The following LMX1A variants were observed in gnomAD, a reference collection of about 807,000 sequenced individuals.
LMX1A encodes the protein LIM homeobox transcription factor 1 alpha.
LMX1A carries 15 observed loss-of-function variants against 49.1 expected under a neutral mutation model. That is an observed-to-expected ratio of 0.31 (90% CI 0.20 to 0.47). LMX1A has a LOEUF of 0.47. LMX1A is among the 20% of genes least tolerant of loss of function. LMX1A has a pLI of 1.00. For missense variants in LMX1A, 372 were observed against 475.8 expected (o/e 0.78, Z 2.03); for synonymous variants, 167 against 185.7 (o/e 0.90, Z 0.82).
intron 3 of LMX1A, among the ~76,000 whole-genome samples, chr1:165,338,842 G>T (rs1488420840): frequency 6.6e-6 from 1 of 152,300 alleles, no homozygotes; most frequent in South Asian, 2.1e-4. Flanking sequence ...TAAGCTCAGA[G>T]GTCTGGCCCC....
intron 4 of LMX1A, among the ~76,000 whole-genome samples, chr1:165,241,880 A>C (rs538937343): frequency 6.6e-6 from 1 of 152,350 alleles, no homozygotes; most frequent in African/African-American, 2.4e-5. Flanking sequence ...AGCATGGCCC[A>C]GAAGAGGAGA....
intron 3 of LMX1A, among the ~76,000 whole-genome samples, chr1:165,307,522 G>C (rs1654953857): frequency 6.6e-6 from 1 of 152,204 alleles, no homozygotes; most frequent in African/African-American, 2.4e-5. Flanking sequence ...ATGAAGAAGA[G>C]CATCAGGATC....
chr1:165,335,297 T>C (rs2101756364), intron 3 of LMX1A, among the ~76,000 whole-genome samples: 1 of 152,296 alleles, frequency 6.6e-6, no homozygotes, highest in Admixed American at 6.5e-5. Flanking sequence ...TTTGAACTTT[T>C]ATAAAAGCAA....
intron 3 of LMX1A, among the ~76,000 whole-genome samples, chr1:165,291,013 C>A (rs1053465547): frequency 1.3e-5 from 2 of 152,198 alleles, no homozygotes; most frequent in African/African-American, 4.8e-5. Context: ...TAAATACTAA[C>A]AATTTATATA....
At chr1:165,344,194 G>T (rs1656167245) in intron 3 of LMX1A, among the ~76,000 whole-genome samples, 1 of 152,254 alleles carries the variant, frequency 6.6e-6, no homozygotes, top group Non-Finnish European at 1.5e-5. Flanking sequence ...CAGCCAAAAA[G>T]AGGAGAGAGG....
rs114514651 is a variant in LMX1A at position 165,224,690 on chromosome 1, G to A, written c.497-10877C>T. ...AGCTTGTGTTTCAGTTAATATAGAAGGAAGAGAAATAAGCCAAAGGTCACA... is the reference window on the plus strand; with the variant it reads ...AGCTTGTGTTTCAGTTAATATAGAAAGAAGAGAAATAAGCCAAAGGTCACA... On this transcript the variant is annotated intron_variant, in intron 4 of 8. Coordinates refer to ENST00000342310, the MANE Select transcript of LMX1A (RefSeq NM_177398.4). 6.1e-3 allele frequency among the ~76,000 whole-genome samples: 925 copies of A among 152,244 alleles called. 7 individuals carry two copies. The highest frequency in any genetic ancestry group is 0.02 in the African/African-American group (835 of 41,518).
chr1:165,310,181 C>A (rs1234888559), intron 3 of LMX1A, among the ~76,000 whole-genome samples: 1 of 152,218 alleles, frequency 6.6e-6, no homozygotes, highest in African/African-American at 2.4e-5. Context: ...CAACAAAATT[C>A]TTCCCAGCTC....
intron 3 of LMX1A, among the ~76,000 whole-genome samples, chr1:165,350,690 GAA>G (rs1041091919): frequency 6.6e-6 from 1 of 151,792 alleles, no homozygotes; most frequent in African/African-American, 2.4e-5. Context: ...ATAGAGAAAC[GAA>G]AAAAGGAATT....
chr1:165,271,567 A>T (rs1398149847), intron 3 of LMX1A, among the ~76,000 whole-genome samples: 3 of 152,194 alleles, frequency 2.0e-5, no homozygotes, highest in Non-Finnish European at 4.4e-5. Flanking sequence ...ATCGAAGTAC[A>T]TGGATCCTGC....
intron 4 of LMX1A, among the ~76,000 whole-genome samples, chr1:165,232,999 C>T (rs1652288039): frequency 6.6e-6 from 1 of 152,164 alleles, no homozygotes; most frequent in Non-Finnish European, 1.5e-5. Context: ...AGTCCCAATA[C>T]TTATGTATAT....
At chr1:165,290,666 C>T (rs1045570109) in intron 3 of LMX1A, among the ~76,000 whole-genome samples, 25 of 152,140 alleles carry the variant, frequency 1.6e-4, no homozygotes, top group Non-Finnish European at 1.6e-4. Flanking sequence ...GAGAACATAG[C>T]AGATAAAAAG....
chr1:165,275,847 ATGTGTGTGTGTGTG>A (rs529022372), intron 3 of LMX1A, among the ~76,000 whole-genome samples: 143 of 139,078 alleles, frequency 1.0e-3, no homozygotes, highest in African/African-American at 3.4e-3. Flanking sequence ...GTGTGTGTGT[ATGTGTGTGTGTGTG>A]TGTGTGTGTG....
intron 6 of LMX1A, among the ~76,000 whole-genome samples, chr1:165,208,814 T>A (rs973104254): frequency 1.3e-5 from 2 of 151,264 alleles, no homozygotes; most frequent in Admixed American, 6.6e-5. Context: ...GCCTGGCTAA[T>A]TTTTTTGTAT....
chr1:165,241,401 G>A (rs1269394134), intron 4 of LMX1A, among the ~76,000 whole-genome samples: 1 of 152,164 alleles, frequency 6.6e-6, no homozygotes, highest in Non-Finnish European at 1.5e-5. Flanking sequence ...ATTGGACATT[G>A]ATCAAGTTTC....
intron 2 of LMX1A, 37 bp from the exon 3 acceptor site, chr1:165,353,299 G>C (rs562378026): frequency 2.3e-5 from 37 of 1,581,334 alleles, no homozygotes; most frequent in Admixed American, 5.1e-5. Flanking sequence ...TGAGCAGCCC[G>C]GGCAGGTAGA....
chr1:165,265,203 CAA>C (rs528674072), intron 3 of LMX1A, among the ~76,000 whole-genome samples: 20 of 121,346 alleles, frequency 1.6e-4, no homozygotes, highest in Admixed American at 1.7e-4. Flanking sequence ...GACTCTGTCT[CAA>C]AAAAAAAAAA....
rs115526177 is a variant in LMX1A, at chr1:165,281,169, A to C, written c.264-31529T>G. Among the ~76,000 whole-genome samples the C allele has an allele frequency of 9.8e-4, 150 of 152,328 alleles. 1 individual carries two copies. Among genetic ancestry groups the C allele is most frequent in the African/African-American group, 3.5e-3 (144 of 41,588 alleles). ...CCTCTCATTCAGGACTGAATAGGAA[A>C]AGGAGTAGAAGGCACTTTTAGTACC... is the stretch of plus-strand genomic sequence containing the variant. On this transcript the variant is annotated intron_variant, in intron 3 of 8. Transcript: ENST00000342310.
At chr1:165,241,239 G>A (rs12040039) in intron 4 of LMX1A, among the ~76,000 whole-genome samples, 48,315 of 152,004 alleles carry the variant, frequency 0.32, 9,326 homozygotes, top group East Asian at 0.64. Flanking sequence ...CCCCAGGTAT[G>A]CTATCCATAA....
At chr1:165,351,716 G>C (rs759091227) in intron 3 of LMX1A, among the ~76,000 whole-genome samples, 11 of 152,164 alleles carry the variant, frequency 7.2e-5, no homozygotes, top group Non-Finnish European at 1.3e-4. Flanking sequence ...AAAGCGGAGT[G>C]GCAGAAACAA....
Sources: allele counts gnomAD v4.1 joint callset (sites outside exome capture counted in the v4.1 genomes callset), GRCh38; gene constraint gnomAD v4.1.1; transcripts MANE v1.5; gene names NCBI Gene and HGNC (gene_info 2026-07-23, HGNC 2026-07-21).